The following STRN variants were observed in gnomAD, a reference collection of about 807,000 sequenced individuals.
The protein encoded by STRN is protein phosphatase 2 regulatory subunit B'''alpha.
STRN carries 53 observed loss-of-function variants against 96.3 expected under a neutral mutation model. The ratio of observed to expected loss-of-function variants is 0.55; its 90% CI spans 0.44 to 0.69. STRN has a LOEUF of 0.69. Among genes scored for constraint, STRN ranks in the 30% least tolerant of loss-of-function variants. The probability of loss-of-function intolerance (pLI) is 0.00; values close to 1 mark genes in which losing one functional copy is unlikely to be tolerated. For missense variants in STRN, 987 were observed against 963.9 expected, an observed-to-expected ratio of 1.02 and a Z score of -0.32; for synonymous variants, 428 against 355.9, an observed-to-expected ratio of 1.20 and a Z score of -2.28.
chr2:36,966,499 CCAGCAGCGGAGGCAA>C lies in STRN; in HGVS notation c.-51_-37del. The C allele has an allele frequency of 7.2e-7, 1 of 1,388,026 alleles. No individual in the cohort carries two copies. Among genetic ancestry groups the C allele is most frequent in the Non-Finnish European group, 9.3e-7 (1 of 1,075,178 alleles). The allele number at this position is 1,388,026 out of a possible 1,614,324, so 86.0% of individuals were successfully genotyped here. On this transcript the variant is annotated 5_prime_UTR_variant, in exon 1 of 18. Coordinates refer to ENST00000263918, the MANE Select transcript of STRN (RefSeq NM_003162.4). Reference sequence around the variant, plus strand: ...GATACCCGGGGAGCTGCCCCGGCGCCCAGCAGCGGAGGCAACAGCGGCGGCAAGCAGCGCCTCCTC... The same window carrying C: ...GATACCCGGGGAGCTGCCCCGGCGCCCAGCGGCGGCAAGCAGCGCCTCCTC...
chr2:36,949,122 C>T (rs558531509), intron 1 of STRN, among the ~76,000 whole-genome samples: 1 of 152,254 alleles, frequency 6.6e-6, no homozygotes, highest in East Asian at 1.9e-4. Flanking sequence ...CACAAATATT[C>T]GTCTTGTGTT....
At chr2:36,956,186 G>C (rs1664883356) in intron 1 of STRN, among the ~76,000 whole-genome samples, 1 of 152,100 alleles carries the variant, frequency 6.6e-6, no homozygotes, top group South Asian at 2.1e-4. Flanking sequence ...TTCTACAATA[G>C]GACTTATATA....
chr2:36,961,115 CTTTTTTTTTTTT>C (rs551915869), intron 1 of STRN, among the ~76,000 whole-genome samples: 4 of 60,314 alleles, frequency 6.6e-5, no homozygotes, highest in South Asian at 5.7e-4. Context: ...CCAGGCTGCA[CTTTTTTTTTTTT>C]TTTTTTTTTT....
At chr2:36,904,853 A>C (rs1669779220) in intron 4 of STRN, among the ~76,000 whole-genome samples, 1 of 152,198 alleles carries the variant, frequency 6.6e-6, no homozygotes, top group Non-Finnish European at 1.5e-5. Context: ...TGAATGAATG[A>C]ATGAATGAAT....
At chr2:36,924,381 T>C (rs1271542493) in intron 2 of STRN, among the ~76,000 whole-genome samples, 9 of 148,784 alleles carry the variant, frequency 6.0e-5, no homozygotes, top group Non-Finnish European at 1.0e-4. Context: ...AAAGTCTATA[T>C]AGAATCTTAA....
intron 4 of STRN, 25 bp from the exon 5 acceptor site, chr2:36,902,776 TCAGTCATA>T: frequency 6.4e-7 from 1 of 1,557,748 alleles, no homozygotes; most frequent in South Asian, 1.2e-5. Flanking sequence ...TCCTTAGAGT[TCAGTCATA>T]CTGGAATCAG....
intron 10 of STRN, among the ~76,000 whole-genome samples, chr2:36,870,196 A>C (rs530431080): frequency 1.3e-5 from 2 of 152,194 alleles, no homozygotes; most frequent in East Asian, 1.9e-4. Context: ...TATAAACTGG[A>C]AACATAAAAT....
Position 36,839,869 on chromosome 2 carries a change from T to C in STRN, c.*9587A>G, listed in dbSNP as rs536404652. The C allele has an allele frequency of 6.6e-6, 1 of 152,368 alleles. No individual in the cohort carries two copies. The highest frequency in any genetic ancestry group is 6.5e-5 in the Admixed American group (1 of 15,298). The allele number at this position is 152,368 out of a possible 1,614,324, so 9.4% of individuals were successfully genotyped here. A position where few individuals can be genotyped will look rare whatever the true frequency, so the allele number is the denominator to read the frequency against. On this transcript the variant is annotated 3_prime_UTR_variant, in exon 18 of 18. Coordinates refer to ENST00000263918, the MANE Select transcript of STRN (RefSeq NM_003162.4). ...ATATAAATAGTTGGTCTCTAACTTGTTGACTGTTTTATTCCTAAAACAATT... is the reference window on the plus strand; with the variant it reads ...ATATAAATAGTTGGTCTCTAACTTGCTGACTGTTTTATTCCTAAAACAATT...
intron 12 of STRN, 76 bp downstream of exon 12, chr2:36,867,738 G>C (rs1390302756): frequency 4.1e-6 from 4 of 984,542 alleles, no homozygotes; most frequent in East Asian, 2.8e-5. Context: ...CCTAGTAAGT[G>C]AAAGAAAATA....
chr2:36,872,437 A>T (rs1482451505), intron 10 of STRN, among the ~76,000 whole-genome samples: 1 of 152,212 alleles, frequency 6.6e-6, no homozygotes, highest in African/African-American at 2.4e-5. Flanking sequence ...TCTGGCCAAC[A>T]TCTTGATTGC....
At chr2:36,933,898 T>A (rs1572685601) in intron 1 of STRN, among the ~76,000 whole-genome samples, 1 of 152,244 alleles carries the variant, frequency 6.6e-6, no homozygotes, top group East Asian at 1.9e-4. Flanking sequence ...TCACCCGAGG[T>A]CAGGAGTTTG....
intron 7 of STRN, among the ~76,000 whole-genome samples, chr2:36,890,759 C>G (rs1669375439): frequency 1.3e-5 from 2 of 152,152 alleles, no homozygotes; most frequent in African/African-American, 4.8e-5. Flanking sequence ...GCTGGGATTA[C>G]AGGCGTGAGC....
At chr2:36,916,190 A>G in intron 2 of STRN, 39 bp from the exon 3 acceptor site, 1 of 1,539,554 alleles carries the variant, frequency 6.5e-7, no homozygotes, top group Non-Finnish European at 9.0e-7. Flanking sequence ...ATCTTAAAAT[A>G]TGTTTAAATT....
chr2:36,900,987 C>T (rs537201694), intron 5 of STRN, among the ~76,000 whole-genome samples: 1 of 149,140 alleles, frequency 6.7e-6, no homozygotes, highest in Non-Finnish European at 1.5e-5. Context: ...ATCTTTTAGA[C>T]AGAGAGCATT....
At chr2:36,937,571 G>T (rs1464678498) in intron 1 of STRN, among the ~76,000 whole-genome samples, 2 of 151,796 alleles carry the variant, frequency 1.3e-5, no homozygotes, top group African/African-American at 2.4e-5. Context: ...CTGGTTGGGA[G>T]GCTCAAGTGG....
chr2:36,887,764 A>C (rs1364534430), intron 7 of STRN, among the ~76,000 whole-genome samples: 1 of 152,222 alleles, frequency 6.6e-6, no homozygotes, highest in Non-Finnish European at 1.5e-5. Flanking sequence ...TAAAACAGGA[A>C]ACTGAGTTTC....
chr2:36,846,827 C>G lies in STRN; in HGVS notation c.*2629G>C, dbSNP rs1020635673. ...TGAGTTTTGAGAAGGGTGCTGCAAG[C>G]TCCCAGAGATGTATCCACAGCATAT... On this transcript the variant is annotated 3_prime_UTR_variant, in exon 18 of 18. Transcript: ENST00000263918. The G allele has an allele frequency of 8.6e-5, 13 of 152,014 alleles. No individual in the cohort carries two copies. The highest frequency in any genetic ancestry group is 3.1e-4 in the African/African-American group (13 of 41,400). 9.4% of individuals were successfully genotyped at this position (152,014 alleles called of 1,614,324 possible). A position where few individuals can be genotyped will look rare whatever the true frequency, so the allele number is the denominator to read the frequency against.
At chr2:36,897,177 A>G (rs943188440) in intron 6 of STRN, among the ~76,000 whole-genome samples, 1 of 152,074 alleles carries the variant, frequency 6.6e-6, no homozygotes. Flanking sequence ...CAAAAAAAAA[A>G]AGAAAAATAA....
chr2:36,909,488 G>A (rs1669910490), intron 3 of STRN, among the ~76,000 whole-genome samples: 1 of 151,940 alleles, frequency 6.6e-6, no homozygotes, highest in South Asian at 2.1e-4. Flanking sequence ...CAAAACACTG[G>A]ACACCATGCA....
Sources: gnomAD v4.1 joint callset for allele counts (sites outside exome capture counted in the v4.1 genomes callset) on GRCh38, gnomAD v4.1.1 for gene constraint, MANE v1.5 for transcripts, NCBI Gene and HGNC (gene_info 2026-07-23, HGNC 2026-07-21) for gene names.